The following ANPEP variants were observed in gnomAD, a reference collection of about 807,000 sequenced individuals.
ANPEP encodes the protein aminopeptidase N.
Under a neutral mutation model 114.6 loss-of-function variants are expected in ANPEP, and 70 were observed. The ratio of observed to expected loss-of-function variants is 0.61; its 90% CI spans 0.50 to 0.75. ANPEP has a LOEUF of 0.75. Among genes scored for constraint, ANPEP ranks in the 30% least tolerant of loss-of-function variants. The pLI is 0.00. For missense variants in ANPEP, 1,184 were observed against 1,259.5 expected (o/e 0.94, Z 0.91); for synonymous variants, 548 against 522.3 (o/e 1.05, Z -0.67).
Position 89,801,503 on chromosome 15 carries a change from C to T in ANPEP, c.1674G>A (p.Thr558=), listed in dbSNP as rs138094712. The T allele has an allele frequency of 3.3e-5, 53 of 1,614,202 alleles. No individual in the cohort carries two copies. Among genetic ancestry groups the T allele is most frequent in the South Asian group, 1.5e-4 (14 of 91,086 alleles). ...GGAAGTGCTCCTGGGAAAGGGTCCC[C>T]GTGCTGGTATCCACCGTGATGACCG... ...GFPVITVDTS[T]GTLSQEHFLL... is the part of the protein sequence containing the mutation. Residue 558 remains threonine (T), a synonymous_variant, in exon 11 of 21, where the codon ACG becomes ACA. Transcript: ENST00000300060.
intron 1 of ANPEP, among the ~76,000 whole-genome samples, chr15:89,812,154 C>A (rs577814335): frequency 3.3e-4 from 49 of 147,754 alleles, no homozygotes; most frequent in African/African-American, 1.2e-3. Flanking sequence ...GGGCTGTGGC[C>A]GGGAGAGCTG....
rs557612767 is a variant in ANPEP, at chr15:89,806,689, A to C, written c.-106T>G. The C allele has an allele frequency of 2.6e-5, 37 of 1,442,638 alleles. 1 individual carries two copies. The South Asian group carries it at 4.8e-4, about 19-fold the overall frequency. The allele number at this position is 1,442,638 out of a possible 1,614,324, so 89.4% of individuals were successfully genotyped here. A position where few individuals can be genotyped will look rare whatever the true frequency, so the allele number is the denominator to read the frequency against. On this transcript the variant is annotated 5_prime_UTR_variant, in exon 2 of 21. Transcript: ENST00000300060. This position sits in a 1 kb window ranked among gnomAD's most constrained non-coding sequence, Gnocchi z 5.7. Reference sequence around the variant, plus strand: ...AGGGGAGGAGCCCCACAACAGGCAGACTGGGCAAAAATTAACCAGGGCTCC... The same window carrying C: ...AGGGGAGGAGCCCCACAACAGGCAGCCTGGGCAAAAATTAACCAGGGCTCC...
At chr15:89,789,957 G>A in intron 20 of ANPEP, among the ~76,000 whole-genome samples, 1 of 151,540 alleles carries the variant, frequency 6.6e-6, no homozygotes, top group East Asian at 1.9e-4. Flanking sequence ...TACTCAGGAA[G>A]CTGAGGCAGG....
chr15:89,809,606 C>T (rs1230621217), intron 1 of ANPEP, among the ~76,000 whole-genome samples: 3 of 152,220 alleles, frequency 2.0e-5, no homozygotes, highest in African/African-American at 7.2e-5. Context: ...GGGCTTCCCT[C>T]GTCCAGTCCC....
intron 1 of ANPEP, among the ~76,000 whole-genome samples, chr15:89,807,575 G>A (rs7175307): frequency 0.011 from 1,603 of 152,232 alleles, 29 homozygotes; most frequent in African/African-American, 0.037. Flanking sequence ...GGTGGCGGGC[G>A]TCTGTAATCC....
rs371279869 is a variant in ANPEP at position 89,792,233 on chromosome 15, C to A, written c.2455G>T (p.Ala819Ser). The A allele has an allele frequency of 1.2e-6, 2 of 1,614,208 alleles. No individual in the cohort carries two copies. The highest frequency in any genetic ancestry group is 2.2e-5 in the South Asian group (2 of 91,086). Reference sequence around the variant, plus strand: ...TTGTCAGCCTCATTGACCAGTGTGGCATTTCGGAACTGCTCCCAGGCGAAG... The same window carrying A: ...TTGTCAGCCTCATTGACCAGTGTGGAATTTCGGAACTGCTCCCAGGCGAAG... ...WDFAWEQFRN[A>S]TLVNEADKLR... The change falls in exon 18 of 21, where the codon GCC (alanine) becomes TCC (serine). Residue 819 changes from alanine to serine, a missense_variant. By Grantham distance (99) the Ala-to-Ser change is moderately conservative (BLOSUM62 1). Coordinates refer to ENST00000300060, the MANE Select transcript of ANPEP (RefSeq NM_001150.3).
rs8192295 is a variant in ANPEP at position 89,785,236 on chromosome 15, G to T, written c.*113C>A. Reference sequence around the variant, plus strand: ...AACGTGGGCTGGAGACTTTGTCCTTGAGGGGAGGACACTGGTGCCTCGGGC... The same window carrying T: ...AACGTGGGCTGGAGACTTTGTCCTTTAGGGGAGGACACTGGTGCCTCGGGC... On this transcript the variant is annotated 3_prime_UTR_variant, in exon 21 of 21. Coordinates refer to ENST00000300060, the MANE Select transcript of ANPEP (RefSeq NM_001150.3). 280 of 1,374,054 alleles carry T rather than the reference G, an allele frequency of 2.0e-4. 4 individuals are homozygous for T. The East Asian group carries it at 4.9e-3, about 24-fold the overall frequency. 85.1% of individuals were successfully genotyped at this position (1,374,054 alleles called of 1,614,324 possible).
At chr15:89,797,499 T>C in intron 15 of ANPEP, 76 bp downstream of exon 15, 2 of 1,515,388 alleles carry the variant, frequency 1.3e-6, no homozygotes, top group East Asian at 2.3e-5. Flanking sequence ...TAGGCAATAG[T>C]CTATTAACTT....
At chr15:89,790,333 T>C in intron 20 of ANPEP, 127 bp downstream of exon 20, 1 of 754,404 alleles carries the variant, frequency 1.3e-6, no homozygotes, top group Non-Finnish European at 2.2e-6. Context: ...CGGCTTCCTC[T>C]GTAAATGAGG....
chr15:89,803,690 G>A lies in ANPEP; in HGVS notation c.1394C>T (p.Pro465Leu), dbSNP rs377426081. Residue 465 changes from proline (P) to leucine (L), a missense_variant, in exon 8 of 21, where the codon CCG becomes CTG. By Grantham distance (98) the Pro-to-Leu change is moderately conservative (BLOSUM62 -3). Coordinates refer to ENST00000300060, the MANE Select transcript of ANPEP (RefSeq NM_001150.3). This position sits in a 1 kb window ranked among gnomAD's most constrained non-coding sequence, Gnocchi z 4.2. ...LSTPASEINT[P>L]AQISELFDAI... ...GTCAAACAGCTCACTGATCTGGGCC[G>A]GCGTGTTGATCTCCGAGGCGGGTGT... is the stretch of plus-strand genomic sequence containing the variant. The A allele has an allele frequency of 1.3e-5, 21 of 1,613,192 alleles. No individual in the cohort carries two copies. Among genetic ancestry groups the A allele is most frequent in the South Asian group, 4.4e-5 (4 of 91,014 alleles).
chr15:89,793,843 T>C (rs1032247156), intron 15 of ANPEP, among the ~76,000 whole-genome samples: 1 of 152,192 alleles, frequency 6.6e-6, no homozygotes, highest in African/African-American at 2.4e-5. Flanking sequence ...CCTTCTTTTT[T>C]CTATAGTTTT....
intron 20 of ANPEP, among the ~76,000 whole-genome samples, chr15:89,787,980 A>G (rs567008958): frequency 8.2e-4 from 125 of 152,382 alleles, no homozygotes; most frequent in Non-Finnish European, 8.8e-4. Flanking sequence ...AGAGGGAAAG[A>G]GAGATAAGTG....
chr15:89,797,002 C>G (rs555670355), intron 15 of ANPEP, among the ~76,000 whole-genome samples: 1 of 152,302 alleles, frequency 6.6e-6, no homozygotes, highest in East Asian at 1.9e-4. Context: ...AGAATAAGCT[C>G]GAGTTTCCTT....
Position 89,792,998 on chromosome 15 carries a change from G to A in ANPEP, c.2249+37C>T, listed in dbSNP as rs747979963. 1.5e-5 allele frequency: 24 copies of A among 1,556,838 alleles called. No individual in the cohort carries two copies. The East Asian group carries it at 5.2e-4, about 33-fold the overall frequency. Reference sequence around the variant, plus strand: ...GATGTTGCTCTTGACTCCCCGGGGTGCCCAGGACTTCCAAACCCATGAGAG... The same window carrying A: ...GATGTTGCTCTTGACTCCCCGGGGTACCCAGGACTTCCAAACCCATGAGAG... On this transcript the variant is annotated intron_variant, in intron 16 of 20. Coordinates refer to ENST00000300060, the MANE Select transcript of ANPEP (RefSeq NM_001150.3).
chr15:89,800,915 G>A (rs1894575156), intron 12 of ANPEP, among the ~76,000 whole-genome samples, 196 bp downstream of exon 12: 1 of 152,148 alleles, frequency 6.6e-6, no homozygotes, highest in Non-Finnish European at 1.5e-5. Context: ...TCATTTTATA[G>A]AAGAGGAACT....
At chr15:89,797,882 C>A (rs184687572) in intron 14 of ANPEP, among the ~76,000 whole-genome samples, 160 bp from the exon 15 acceptor site, 9 of 152,354 alleles carry the variant, frequency 5.9e-5, no homozygotes, top group Admixed American at 5.2e-4. Flanking sequence ...CCAGCTCAGG[C>A]ATTTGCCATG....
In ANPEP at chr15:89,785,340, G is replaced by T. The variant is rs562292039; in HGVS notation, c.*9C>A. On this transcript the variant is annotated 3_prime_UTR_variant, in exon 21 of 21. Transcript: ENST00000300060. ...TGCATGGGGGCCGGGTGACTTCAAG[G>T]GCTGGGGACTATTTGCTGTTTTCTG... The T allele has an allele frequency of 1.4e-4, 234 of 1,614,164 alleles. 6 individuals carry two copies. The South Asian group carries it at 2.5e-3, about 17-fold the overall frequency.
intron 1 of ANPEP, 117 bp downstream of exon 1, chr15:89,814,655 G>A (rs2141819759): frequency 6.6e-6 from 1 of 152,416 alleles, no homozygotes; most frequent in East Asian, 1.9e-4. Flanking sequence ...CGCGGCCGCA[G>A]AAGTCCAGCT....
At chr15:89,796,685 C>T (rs71405665) in intron 15 of ANPEP, among the ~76,000 whole-genome samples, 35,957 of 150,950 alleles carry the variant, frequency 0.24, 4,364 homozygotes, top group South Asian at 0.3. Flanking sequence ...TTAGTAGAGA[C>T]GAGGTTTCAC....
Sources: allele counts gnomAD v4.1 joint callset (sites outside exome capture counted in the v4.1 genomes callset), GRCh38; gene constraint gnomAD v4.1.1; non-coding constraint Gnocchi (gnomAD v3.1); transcripts MANE v1.5; gene names NCBI Gene and HGNC (gene_info 2026-07-23, HGNC 2026-07-21).